Variants in CAMK4 observed in about 807,000 individuals in gnomAD.
CAMK4 encodes calcium/calmodulin-dependent protein kinase type IV.
In CAMK4, 22 loss-of-function variants were observed where a neutral mutation model predicts 44.9. The observed-to-expected ratio is 0.49, with a 90% CI of 0.35 to 0.70. The LOEUF (loss-of-function observed/expected upper bound fraction) is 0.70, where lower values mean the gene tolerates loss of function less well. Among genes scored for constraint, CAMK4 ranks in the 30% least tolerant of loss-of-function variants. CAMK4 has a pLI of 0.01. For missense variants in CAMK4, 498 were observed against 586.8 expected (o/e 0.85, Z 1.56); for synonymous variants, 218 against 215.4 (o/e 1.01, Z -0.11).
intron 5 of CAMK4, among the ~76,000 whole-genome samples, chr5:111,442,778 A>G (rs923569420): frequency 6.7e-6 from 1 of 148,304 alleles, no homozygotes; most frequent in African/African-American, 2.4e-5. Context: ...TAAATATTAT[A>G]TATCTTATTA....
intron 5 of CAMK4, among the ~76,000 whole-genome samples, chr5:111,424,918 C>A (rs943261492): frequency 6.6e-6 from 1 of 151,970 alleles, no homozygotes; most frequent in Non-Finnish European, 1.5e-5. Flanking sequence ...AATCCCAGCA[C>A]TTTGGGAGGC....
intron 7 of CAMK4, among the ~76,000 whole-genome samples, chr5:111,469,978 A>G (rs984851679): frequency 6.6e-6 from 1 of 152,256 alleles, no homozygotes; most frequent in Non-Finnish European, 1.5e-5. Context: ...ATGGGGCTTG[A>G]TAGCATTTCA....
intron 1 of CAMK4, among the ~76,000 whole-genome samples, chr5:111,249,188 T>C (rs549313568): frequency 2.2e-4 from 34 of 152,250 alleles, no homozygotes; most frequent in South Asian, 1.5e-3. Flanking sequence ...ATTCCTTTCC[T>C]CATTGTTCAA....
At chr5:111,446,647 G>T (rs1381674897) in intron 5 of CAMK4, 39 bp from the exon 6 acceptor site, 1 of 1,016,886 alleles carries the variant, frequency 9.8e-7, no homozygotes, top group African/African-American at 1.6e-5. Flanking sequence ...ACCATAAATA[G>T]CATTACACAA....
intron 4 of CAMK4, among the ~76,000 whole-genome samples, chr5:111,382,620 A>G (rs1751459130): frequency 6.6e-6 from 1 of 152,192 alleles, no homozygotes; most frequent in Admixed American, 6.5e-5. Flanking sequence ...TTTAATCATT[A>G]GAGCAACACA....
At chr5:111,234,829 C>T (rs116114712) in intron 1 of CAMK4, among the ~76,000 whole-genome samples, 1,783 of 152,286 alleles carry the variant, frequency 0.012, 34 homozygotes, top group African/African-American at 0.041. Flanking sequence ...GGATAGGACA[C>T]GTTCTTACCT....
At chr5:111,303,850 G>A (rs1483613065) in intron 1 of CAMK4, among the ~76,000 whole-genome samples, 2 of 138,376 alleles carry the variant, frequency 1.4e-5, no homozygotes, top group African/African-American at 6.2e-5. Context: ...AGAGAGAAAG[G>A]TCGGGTTACC....
chr5:111,233,089 AT>A (rs1464995488), intron 1 of CAMK4, among the ~76,000 whole-genome samples: 1 of 151,744 alleles, frequency 6.6e-6, no homozygotes, highest in Non-Finnish European at 1.5e-5. Flanking sequence ...AAATGCAAAA[AT>A]TGTTTTTAGA....
chr5:111,476,148 G>T (rs1375352251), intron 8 of CAMK4, among the ~76,000 whole-genome samples: 1 of 151,498 alleles, frequency 6.6e-6, no homozygotes, highest in Non-Finnish European at 1.5e-5. Flanking sequence ...AATAGACATT[G>T]GATTCTTCCT....
chr5:111,326,215 A>C lies in CAMK4; in HGVS notation c.162-17809A>C, dbSNP rs182254746. ...ATGAAATTTACAAACCCCTAGCAAG[A>C]CTGTTGAAGAAAACAAGCAAAAAAA... is the stretch of plus-strand genomic sequence containing the variant. On this transcript the variant is annotated intron_variant, in intron 1 of 10. Transcript: ENST00000282356. 2.0e-3 allele frequency among the ~76,000 whole-genome samples: 308 copies of C among 152,034 alleles called. 2 individuals are homozygous for C. Among genetic ancestry groups the C allele is most frequent in the African/African-American group, 7.0e-3 (291 of 41,548 alleles).
intron 1 of CAMK4, among the ~76,000 whole-genome samples, chr5:111,293,962 T>TG (rs1747384099): frequency 6.6e-6 from 1 of 151,994 alleles, no homozygotes; most frequent in South Asian, 2.1e-4. Context: ...TTAGCCAGGA[T>TG]GGTCTCGATC....
At chr5:111,343,878 G>T (rs1484651803) in intron 1 of CAMK4, 146 bp from the exon 2 acceptor site, 1 of 534,844 alleles carries the variant, frequency 1.9e-6, no homozygotes, top group Non-Finnish European at 3.4e-6. Flanking sequence ...AAATACTCTT[G>T]ACAGCTAGGG....
intron 4 of CAMK4, among the ~76,000 whole-genome samples, chr5:111,378,976 C>T (rs1751316049): frequency 7.5e-6 from 1 of 132,566 alleles, no homozygotes; most frequent in Admixed American, 8.1e-5. Context: ...ATAATGGCTC[C>T]TTTTTCAACA....
Position 111,494,244 on chromosome 5 carries a change from C to T in CAMK4, c.*9778C>T, listed in dbSNP as rs1755977572. On this transcript the variant is annotated 3_prime_UTR_variant, in exon 11 of 11. Transcript: ENST00000282356. ...ACAAAGTATAAATATTTTAAGTTTA[C>T]ACAACCAAGATTATAGGCTACCTTC... is the stretch of plus-strand genomic sequence containing the variant. 1 of 152,144 alleles carries T rather than the reference C, an allele frequency of 6.6e-6. No individual in the cohort carries two copies. Among genetic ancestry groups the T allele is most frequent in the South Asian group, 2.1e-4 (1 of 4,828 alleles). 9.4% of individuals were successfully genotyped at this position (152,144 alleles called of 1,614,324 possible).
At chr5:111,430,856 T>C (rs1482514743) in intron 5 of CAMK4, among the ~76,000 whole-genome samples, 1 of 151,960 alleles carries the variant, frequency 6.6e-6, no homozygotes, top group East Asian at 1.9e-4. Flanking sequence ...AGAATCGGTA[T>C]TATTAAAATG....
At chr5:111,372,351 A>G (rs1371397403) in intron 2 of CAMK4, among the ~76,000 whole-genome samples, 1 of 152,112 alleles carries the variant, frequency 6.6e-6, no homozygotes, top group Non-Finnish European at 1.5e-5. Context: ...TGGCCTTGTC[A>G]TGGTTATATT....
At chr5:111,419,919 C>T (rs1016019584) in intron 5 of CAMK4, among the ~76,000 whole-genome samples, 5 of 151,930 alleles carry the variant, frequency 3.3e-5, no homozygotes, top group Non-Finnish European at 4.4e-5. Context: ...ATTGACTTGG[C>T]GATGTGGGCT....
intron 6 of CAMK4, 126 bp downstream of exon 6, chr5:111,446,902 C>G: frequency 1.4e-6 from 1 of 706,336 alleles, no homozygotes; most frequent in Non-Finnish European, 2.6e-6. Context: ...TAATTGACAT[C>G]TGTAAAGGAA....
chr5:111,308,264 A>T (rs1246289767), intron 1 of CAMK4, among the ~76,000 whole-genome samples: 1 of 151,430 alleles, frequency 6.6e-6, no homozygotes. Flanking sequence ...AAAATAAAAT[A>T]AAATAAATGT....
Sources: allele counts gnomAD v4.1 joint callset (sites outside exome capture counted in the v4.1 genomes callset), GRCh38; gene constraint gnomAD v4.1.1; transcripts MANE v1.5; gene names NCBI Gene and HGNC (gene_info 2026-07-23, HGNC 2026-07-21).